Variants in OPCML observed in about 807,000 individuals in gnomAD.
OPCML encodes the protein opioid binding protein/cell adhesion molecule like, also known as opioid-binding protein/cell adhesion molecule.
In OPCML, 13 loss-of-function variants were observed where a neutral mutation model predicts 37.8. The ratio of observed to expected loss-of-function variants is 0.34; its 90% CI spans 0.22 to 0.55. The LOEUF (loss-of-function observed/expected upper bound fraction) is 0.55. Among genes scored for constraint, OPCML ranks in the 20% least tolerant of loss-of-function variants. The pLI is 0.91. For synonymous variants in OPCML, 176 were observed against 168.8 expected, an observed-to-expected ratio of 1.04 and a Z score of -0.33; for missense variants, 341 against 435.6, an observed-to-expected ratio of 0.78 and a Z score of 1.93.
rs138657507 is a variant in OPCML at position 133,180,074 on chromosome 11, G to T, written c.62-237064C>A. 7.9e-5 allele frequency among the ~76,000 whole-genome samples: 12 copies of T among 152,272 alleles called. 1 individual carries two copies. The highest frequency in any genetic ancestry group is 7.8e-4 in the Admixed American group (12 of 15,300). ...AGAAAGACAGCAAGAATCAAAAAAG[G>T]CCAGAAGACTAGGGTGTGAGTGATG... On this transcript the variant is annotated intron_variant, in intron 1 of 7. Transcript: ENST00000524381.
rs531419967 is a variant in OPCML at position 133,028,547 on chromosome 11, G to A, written c.62-85537C>T. ...AGCGTGTGTGTGTGTGTGTGTGTGT[G>A]TGTGTGTACATGTGAGAGAGAGAGA... is the stretch of plus-strand genomic sequence containing the variant. On this transcript the variant is annotated intron_variant, in intron 1 of 7. Transcript: ENST00000524381. Among the ~76,000 whole-genome samples, 876 of 149,034 alleles carry A rather than the reference G, an allele frequency of 5.9e-3. 6 individuals carry two copies. Among genetic ancestry groups the A allele is most frequent in the African/African-American group, 0.02 (827 of 40,752 alleles).
intron 3 of OPCML, among the ~76,000 whole-genome samples, chr11:132,647,969 A>T (rs1255221581): frequency 6.6e-6 from 1 of 152,246 alleles, no homozygotes; most frequent in Non-Finnish European, 1.5e-5. Flanking sequence ...AAGAATAGGG[A>T]CAACAGTTAC....
intron 1 of OPCML, among the ~76,000 whole-genome samples, chr11:133,031,801 A>G (rs1242658844): frequency 6.6e-6 from 1 of 152,216 alleles, no homozygotes; most frequent in Non-Finnish European, 1.5e-5. Flanking sequence ...CTTACATCAC[A>G]GGACAGTCAG....
intron 1 of OPCML, among the ~76,000 whole-genome samples, chr11:133,429,609 G>A (rs564859520): frequency 1.3e-5 from 2 of 152,286 alleles, no homozygotes; most frequent in Admixed American, 6.5e-5. Context: ...CAGTGCAGAT[G>A]GTATGGAAGA....
intron 7 of OPCML, among the ~76,000 whole-genome samples, chr11:132,422,826 G>A (rs191511701): frequency 6.6e-6 from 1 of 152,190 alleles, no homozygotes; most frequent in Admixed American, 6.5e-5. Flanking sequence ...TGTAGAAAAT[G>A]ACCATTTGTG....
rs144025546 is a variant in OPCML, at chr11:133,451,499, G to A, written c.61+80765C>T. On this transcript the variant is annotated intron_variant, in intron 1 of 7. Transcript: ENST00000524381. The stretch of plus-strand genomic sequence containing the variant: ...ACGGCAGCTATAAAATGAGGAAAGA[G>A]GTGCCAGAAAAAAGATATACACAAA... Among the ~76,000 whole-genome samples, 34 of 151,746 alleles carry A rather than the reference G, an allele frequency of 2.2e-4. No individual in the cohort carries two copies. The East Asian group carries it at 6.0e-3, about 27-fold the overall frequency.
chr11:133,447,407 A>C (rs981701649), intron 1 of OPCML, among the ~76,000 whole-genome samples: 15 of 152,152 alleles, frequency 9.9e-5, no homozygotes, highest in African/African-American at 3.6e-4. Flanking sequence ...CAGTACATGC[A>C]CAGGCTTGTT....
chr11:132,842,205 C>T (rs1941323921), intron 2 of OPCML, among the ~76,000 whole-genome samples: 1 of 152,152 alleles, frequency 6.6e-6, no homozygotes, highest in African/African-American at 2.4e-5. Context: ...TCCCCAACAC[C>T]GATGTAGCCA....
intron 1 of OPCML, among the ~76,000 whole-genome samples, chr11:133,491,692 C>T (rs748481409): frequency 6.6e-6 from 1 of 152,182 alleles, no homozygotes; most frequent in Non-Finnish European, 1.5e-5. Context: ...GAAATCTTCT[C>T]GTTGATCCCT....
intron 1 of OPCML, among the ~76,000 whole-genome samples, chr11:133,063,871 G>C (rs184627692): frequency 6.6e-5 from 10 of 152,158 alleles, no homozygotes; most frequent in Non-Finnish European, 1.5e-4. Flanking sequence ...CCCGGTTGGT[G>C]ATTATTAATA....
chr11:132,823,395 T>C lies in OPCML; in HGVS notation c.146+119531A>G, dbSNP rs76424958. Among the ~76,000 whole-genome samples, 506 of 152,262 alleles carry C rather than the reference T, an allele frequency of 3.3e-3. 5 individuals carry two copies. The East Asian group carries it at 0.038, about 11-fold the overall frequency. ...CCCTTCCTCCCACTTGCTAAAAAAGTTGATGTCTCTCAACCACTATTGGTG... is the reference window on the plus strand; with the variant it reads ...CCCTTCCTCCCACTTGCTAAAAAAGCTGATGTCTCTCAACCACTATTGGTG... On this transcript the variant is annotated intron_variant, in intron 2 of 7. Coordinates refer to ENST00000524381, the MANE Select transcript of OPCML (RefSeq NM_001012393.5).
chr11:133,124,927 G>A (rs950551204), intron 1 of OPCML, among the ~76,000 whole-genome samples: 1 of 152,136 alleles, frequency 6.6e-6, no homozygotes, highest in African/African-American at 2.4e-5. Flanking sequence ...CACCCAATGA[G>A]GAGTCACTTC....
intron 2 of OPCML, among the ~76,000 whole-genome samples, chr11:132,704,970 A>G (rs2135933334): frequency 6.6e-6 from 1 of 152,354 alleles, no homozygotes; most frequent in East Asian, 1.9e-4. Flanking sequence ...AGAGTGAAGT[A>G]TGCAAACAAG....
chr11:132,879,531 C>T (rs987860751), intron 2 of OPCML, among the ~76,000 whole-genome samples: 3 of 152,164 alleles, frequency 2.0e-5, no homozygotes, highest in Non-Finnish European at 4.4e-5. Flanking sequence ...TTACATTTTG[C>T]AAGAAATAAA....
At chr11:133,530,099 T>TG (rs1383882694) in intron 1 of OPCML, among the ~76,000 whole-genome samples, 2 of 151,496 alleles carry the variant, frequency 1.3e-5, no homozygotes, top group Non-Finnish European at 2.9e-5. Context: ...GGCAGGGGGG[T>TG]GGGGGGGATA....
At chr11:133,231,252 C>G (rs1230747618) in intron 1 of OPCML, among the ~76,000 whole-genome samples, 1 of 152,154 alleles carries the variant, frequency 6.6e-6, no homozygotes, top group African/African-American at 2.4e-5. Flanking sequence ...TTGGATACAG[C>G]AAGTGACTCT....
chr11:132,921,420 C>T (rs1286463441), intron 2 of OPCML, among the ~76,000 whole-genome samples: 1 of 152,230 alleles, frequency 6.6e-6, no homozygotes, highest in South Asian at 2.1e-4. Context: ...ACCACCTCCA[C>T]CTCCATGGCC....
At chr11:132,908,041 T>C (rs553397800) in intron 2 of OPCML, among the ~76,000 whole-genome samples, 2 of 152,312 alleles carry the variant, frequency 1.3e-5, no homozygotes, top group East Asian at 1.9e-4. Context: ...CTGAAATCAT[T>C]TGTAGTCAGG....
chr11:133,195,353 C>G (rs1592092806), intron 1 of OPCML, among the ~76,000 whole-genome samples: 1 of 152,182 alleles, frequency 6.6e-6, no homozygotes, highest in East Asian at 1.9e-4. Context: ...GAGGCCATTG[C>G]TTAAGTAAAA....
Sources: gnomAD v4.1 joint callset for allele counts (sites outside exome capture counted in the v4.1 genomes callset) on GRCh38, gnomAD v4.1.1 for gene constraint, MANE v1.5 for transcripts, NCBI Gene and HGNC (gene_info 2026-07-23, HGNC 2026-07-21) for gene names.